CENPC: variants seen among roughly 807,000 people sequenced by gnomAD.
CENPC encodes CENP-C 1.
In CENPC, 63 loss-of-function variants were observed where a neutral mutation model predicts 112.1. The observed-to-expected ratio is 0.56, with a 90% CI of 0.46 to 0.69. CENPC has a LOEUF of 0.69. CENPC is among the 30% of genes least tolerant of loss of function. The pLI, the probability that CENPC is intolerant of heterozygous loss-of-function variation, is 0.00. For missense variants in CENPC, 1,000 were observed against 1,103.8 expected (o/e 0.91, Z 1.33); for synonymous variants, 333 against 367.6 (o/e 0.91, Z 1.08).
At chr4:67,505,556 G>A (rs41278561) in intron 11 of CENPC, among the ~76,000 whole-genome samples, 7 of 152,184 alleles carry the variant, frequency 4.6e-5, no homozygotes, top group Admixed American at 6.5e-5. Flanking sequence ...ATATCCTCCT[G>A]TATACTTTAA....
At chr4:67,492,708 C>T (rs1007913634) in intron 15 of CENPC, 161 bp downstream of exon 15, 1 of 1,151,134 alleles carries the variant, frequency 8.7e-7, no homozygotes, top group Non-Finnish European at 1.1e-6. Flanking sequence ...AATTAGCTTA[C>T]TTTCCATTTG....
At chr4:67,486,643 T>C (rs1160205324) in intron 17 of CENPC, among the ~76,000 whole-genome samples, 1 of 152,214 alleles carries the variant, frequency 6.6e-6, no homozygotes, top group Non-Finnish European at 1.5e-5. Context: ...TGGAATCTAA[T>C]GAGTAGAGGC....
At chr4:67,496,453 T>A (rs1725434155) in intron 12 of CENPC, among the ~76,000 whole-genome samples, 1 of 152,226 alleles carries the variant, frequency 6.6e-6, no homozygotes, top group South Asian at 2.1e-4. Context: ...ACAATGTCCA[T>A]GAACCACCTA....
chr4:67,485,235 CAT>C (rs1454268016), intron 17 of CENPC, among the ~76,000 whole-genome samples: 7 of 152,132 alleles, frequency 4.6e-5, no homozygotes, highest in Non-Finnish European at 1.0e-4. Flanking sequence ...CCCTCAAAAT[CAT>C]ATGTTAAACA....
chr4:67,514,559 A>G lies in CENPC; in HGVS notation c.959T>C (p.Ile320Thr). ...QSFASRSWITIPRKAGSLKQR... is the reference protein window; with the variant it reads ...QSFASRSWITTPRKAGSLKQR... Reference sequence around the variant, plus strand: ...TTTCAGAGACCCTGCCTTTCTTGGTATTGTAATCCAAGATCTACTGGCAAA... The same window carrying G: ...TTTCAGAGACCCTGCCTTTCTTGGTGTTGTAATCCAAGATCTACTGGCAAA... The change falls in exon 8 of 19, where the codon ATA becomes ACA. Residue 320 changes from isoleucine to threonine, a missense_variant. Physicochemically the swap from Ile to Thr is moderately conservative, Grantham distance 89 (BLOSUM62 -1). Coordinates refer to ENST00000273853, the MANE Select transcript of CENPC (RefSeq NM_001812.4). 2 of 1,611,508 alleles carry G rather than the reference A, an allele frequency of 1.2e-6. No homozygotes were observed. The highest frequency in any genetic ancestry group is 1.7e-6 in the Non-Finnish European group (2 of 1,178,818).
chr4:67,512,936 G>A (rs1354584989), intron 8 of CENPC, among the ~76,000 whole-genome samples: 2 of 152,112 alleles, frequency 1.3e-5, no homozygotes, highest in South Asian at 4.1e-4. Context: ...AACTTAAGAA[G>A]AGGAGATTTA....
chr4:67,519,580 C>A, intron 5 of CENPC, 78 bp from the exon 6 acceptor site: 1 of 961,806 alleles, frequency 1.0e-6, no homozygotes, highest in Non-Finnish European at 1.4e-6. Flanking sequence ...AAAAATTCTG[C>A]AATAATTTAA....
At chr4:67,540,857 G>T (rs1177005271) in intron 3 of CENPC, 123 bp downstream of exon 3, 2 of 722,980 alleles carry the variant, frequency 2.8e-6, no homozygotes, top group East Asian at 5.7e-5. Flanking sequence ...AAAATACCAG[G>T]GAAAATATTT....
intron 11 of CENPC, 30 bp downstream of exon 11, chr4:67,506,758 A>G: frequency 6.6e-7 from 1 of 1,517,452 alleles, no homozygotes; most frequent in Non-Finnish European, 8.9e-7. Flanking sequence ...ACTAATATAT[A>G]CAACTATTAT....
intron 17 of CENPC, among the ~76,000 whole-genome samples, chr4:67,485,020 G>A (rs1725056580): frequency 6.6e-6 from 1 of 152,124 alleles, no homozygotes; most frequent in South Asian, 2.1e-4. Context: ...GTGAACCTGG[G>A]AGGTGGAGCT....
At chr4:67,528,692 A>G (rs1486468598) in intron 5 of CENPC, among the ~76,000 whole-genome samples, 1 of 152,228 alleles carries the variant, frequency 6.6e-6, no homozygotes, top group Non-Finnish European at 1.5e-5. Flanking sequence ...TCTGTGTATA[A>G]ATCACATGCT....
At chr4:67,530,773 A>T (rs1726524744) in intron 5 of CENPC, 42 bp downstream of exon 5, 2 of 1,014,138 alleles carry the variant, frequency 2.0e-6, no homozygotes, top group African/African-American at 1.7e-5. Context: ...CTCATTTTTT[A>T]AATATATCCA....
In CENPC at chr4:67,539,944, A is replaced by G; in HGVS notation, c.137-10T>C. Reference sequence around the variant, plus strand: ...AAATCATTGGCAAGACCTAAAACAAAAGTATGAAATTTTCAAAAACAAGAT... The same window carrying G: ...AAATCATTGGCAAGACCTAAAACAAGAGTATGAAATTTTCAAAAACAAGAT... On this transcript the variant is annotated splice_polypyrimidine_tract_variant and intron_variant, in intron 3 of 18. Coordinates refer to ENST00000273853, the MANE Select transcript of CENPC (RefSeq NM_001812.4). 1.4e-6 allele frequency: 2 copies of G among 1,445,116 alleles called. No homozygotes were observed. The highest frequency in any genetic ancestry group is 1.8e-6 in the Non-Finnish European group (2 of 1,081,342). 89.5% of individuals were successfully genotyped at this position (1,445,116 alleles called of 1,614,324 possible).
At chr4:67,526,312 G>A (rs910772087) in intron 5 of CENPC, among the ~76,000 whole-genome samples, 17 of 151,626 alleles carry the variant, frequency 1.1e-4, no homozygotes, top group Non-Finnish European at 1.5e-5. Flanking sequence ...TTCAGCACAT[G>A]TATCCCAGAA....
intron 7 of CENPC, among the ~76,000 whole-genome samples, chr4:67,515,390 C>A (rs1275431513): frequency 6.6e-6 from 1 of 151,532 alleles, no homozygotes; most frequent in East Asian, 1.9e-4. Context: ...CACTTGAACC[C>A]AGGAGGCAGA....
At chr4:67,486,396 A>G (rs1229423925) in intron 17 of CENPC, among the ~76,000 whole-genome samples, 1 of 152,248 alleles carries the variant, frequency 6.6e-6, no homozygotes, top group Non-Finnish European at 1.5e-5. Flanking sequence ...TAAAAAATAA[A>G]TATTTAATAC....
chr4:67,488,628 T>C (rs542841174), intron 17 of CENPC, among the ~76,000 whole-genome samples: 6 of 152,144 alleles, frequency 3.9e-5, no homozygotes, highest in African/African-American at 1.4e-4. Flanking sequence ...AAATTTCCTT[T>C]TGTATAATAA....
intron 3 of CENPC, 75 bp downstream of exon 3, chr4:67,540,905 T>G: frequency 8.1e-6 from 8 of 988,484 alleles, no homozygotes; most frequent in Non-Finnish European, 1.2e-5. Context: ...TTGCTGCATT[T>G]GATATTAATT....
At chr4:67,490,382 G>C (rs1179300466) in intron 16 of CENPC, among the ~76,000 whole-genome samples, 1 of 151,904 alleles carries the variant, frequency 6.6e-6, no homozygotes, top group Non-Finnish European at 1.5e-5. Context: ...ATAATAATAA[G>C]TTCATCTATT....
Sources: gnomAD v4.1 joint callset for allele counts (sites outside exome capture counted in the v4.1 genomes callset) on GRCh38, gnomAD v4.1.1 for gene constraint, MANE v1.5 for transcripts, NCBI Gene and HGNC (gene_info 2026-07-23, HGNC 2026-07-21) for gene names.